Variants in RNF214 observed in about 807,000 individuals in gnomAD.
RNF214 encodes ring finger protein 214.
In RNF214, 25 loss-of-function variants were observed where a neutral mutation model predicts 75.9. The ratio of observed to expected loss-of-function variants is 0.33; its 90% CI spans 0.24 to 0.46. RNF214 has a LOEUF of 0.46. Among genes scored for constraint, RNF214 ranks in the 20% least tolerant of loss-of-function variants. The pLI is 1.00. For missense variants in RNF214, 725 were observed against 857.5 expected (o/e 0.85, Z 1.93); for synonymous variants, 314 against 308.8 (o/e 1.02, Z -0.18).
At chr11:117,233,623 C>G (rs921621655) in intron 1 of RNF214, among the ~76,000 whole-genome samples, 4 of 152,156 alleles carry the variant, frequency 2.6e-5, no homozygotes, top group African/African-American at 9.7e-5. Flanking sequence ...ATGTTTTTTA[C>G]CTTGACTTTT....
At chr11:117,238,455 A>G in intron 2 of RNF214, 146 bp from the exon 3 acceptor site, 2 of 747,248 alleles carry the variant, frequency 2.7e-6, no homozygotes, top group South Asian at 3.6e-5. Context: ...AGGCTATACT[A>G]CCTGCATACA....
At chr11:117,245,822 A>G (rs2033210641) in intron 5 of RNF214, among the ~76,000 whole-genome samples, 1 of 152,058 alleles carries the variant, frequency 6.6e-6, no homozygotes, top group Admixed American at 6.6e-5. Flanking sequence ...AACAACAACA[A>G]AGAAATGCAT....
In RNF214 at chr11:117,246,862, G is replaced by T; in HGVS notation, c.873G>T (p.Lys291Asn). 1 of 1,613,102 alleles carries T rather than the reference G, an allele frequency of 6.2e-7. No homozygotes were observed. The highest frequency in any genetic ancestry group is 8.5e-7 in the Non-Finnish European group (1 of 1,179,474). ...DVTIKREETK[K>N]KIEKEKKEFL... Reference sequence around the variant, plus strand: ...CAATAAAGCGGGAAGAAACAAAGAAGAAGATAGAGAAAGAGAAGAAGGAGT... The same window carrying T: ...CAATAAAGCGGGAAGAAACAAAGAATAAGATAGAGAAAGAGAAGAAGGAGT... The change falls in exon 6 of 15, where the codon AAG becomes AAT. Residue 291 changes from lysine to asparagine, a missense_variant. Physicochemically the swap from Lys to Asn is moderately conservative, Grantham distance 94 (BLOSUM62 0). Coordinates refer to ENST00000300650, the MANE Select transcript of RNF214 (RefSeq NM_207343.4).
At chr11:117,272,250 C>A (rs531469758) in intron 6 of RNF214, among the ~76,000 whole-genome samples, 1 of 152,168 alleles carries the variant, frequency 6.6e-6, no homozygotes, top group Non-Finnish European at 1.5e-5. Flanking sequence ...CAACCACCAC[C>A]TTGAGCCACC....
chr11:117,284,502 G>C (rs894653363), intron 14 of RNF214, among the ~76,000 whole-genome samples: 2 of 152,126 alleles, frequency 1.3e-5, no homozygotes, highest in African/African-American at 4.8e-5. Context: ...GGATCCTAAG[G>C]GGGAGCAAGC....
intron 6 of RNF214, among the ~76,000 whole-genome samples, chr11:117,268,401 T>G (rs1223917452): frequency 6.6e-6 from 1 of 152,188 alleles, no homozygotes; most frequent in African/African-American, 2.4e-5. Flanking sequence ...TTAGAAAGAT[T>G]TACGTATATT....
chr11:117,241,448 C>T (rs183497167), intron 4 of RNF214, among the ~76,000 whole-genome samples: 57 of 151,942 alleles, frequency 3.8e-4, no homozygotes, highest in African/African-American at 1.1e-3. Flanking sequence ...GGTGTGGTGG[C>T]GCATGCCTCT....
At position 117,251,106 on chromosome 11, in the gene RNF214, G is replaced by A. The variant is rs1481085604; in HGVS notation, c.959+4158G>A. Among the ~76,000 whole-genome samples, 9 of 151,558 alleles carry A rather than the reference G, an allele frequency of 5.9e-5. No individual in the cohort carries two copies. The East Asian group carries it at 1.8e-3, about 30-fold the overall frequency. The stretch of plus-strand genomic sequence containing the variant: ...CCACAAAACCGCCATTGTCATCATG[G>A]CCCGTTCTCAACGAGCTGTTGGGTA... On this transcript the variant is annotated intron_variant, in intron 6 of 14. Coordinates refer to ENST00000300650, the MANE Select transcript of RNF214 (RefSeq NM_207343.4).
intron 6 of RNF214, among the ~76,000 whole-genome samples, chr11:117,279,184 T>C (rs2034076172): frequency 6.6e-6 from 1 of 152,178 alleles, no homozygotes. Context: ...TGTTGGGAAA[T>C]AAGAATGCAG....
Position 117,281,387 on chromosome 11 carries a change from A to G in RNF214, c.1219A>G (p.Met407Val). ...GACGAGACTGAATGGAGTTCGGATA[A>G]TGAAAAAGAATGTTCGTGTAAGTGT... is the stretch of plus-strand genomic sequence containing the variant. The part of the protein sequence containing the change: ...WETRLNGVRI[M>V]KKNVRDQFNS... The change falls in exon 9 of 15, where the codon ATG becomes GTG. Residue 407 changes from methionine (M) to valine (V), a missense_variant. Coordinates refer to ENST00000300650, the MANE Select transcript of RNF214 (RefSeq NM_207343.4). The G allele has an allele frequency of 6.2e-7, 1 of 1,611,594 alleles. No homozygotes were observed. The highest frequency in any genetic ancestry group is 8.5e-7 in the Non-Finnish European group (1 of 1,177,840).
chr11:117,241,012 C>T (rs1246918074), intron 4 of RNF214, among the ~76,000 whole-genome samples: 1 of 151,766 alleles, frequency 6.6e-6, no homozygotes, highest in Admixed American at 6.6e-5. Flanking sequence ...AACCCCATCT[C>T]TACTAAAAAT....
chr11:117,245,642 A>G (rs2134366583), intron 5 of RNF214, among the ~76,000 whole-genome samples: 1 of 152,144 alleles, frequency 6.6e-6, no homozygotes, highest in Admixed American at 6.5e-5. Context: ...GCGCCAGACC[A>G]CTCATAGACT....
At chr11:117,259,143 GAC>G (rs2033598915) in intron 6 of RNF214, among the ~76,000 whole-genome samples, 1 of 152,118 alleles carries the variant, frequency 6.6e-6, no homozygotes, top group South Asian at 2.1e-4. Flanking sequence ...TCTTAGTAGA[GAC>G]AGGGTTTTGC....
chr11:117,253,208 C>T (rs2033442752), intron 6 of RNF214, among the ~76,000 whole-genome samples: 1 of 152,156 alleles, frequency 6.6e-6, no homozygotes, highest in South Asian at 2.1e-4. Flanking sequence ...GACTGGATCT[C>T]AGTTTGTTGG....
chr11:117,263,889 A>G, intron 6 of RNF214: 1 of 276,774 alleles, frequency 3.6e-6, no homozygotes, highest in Non-Finnish European at 7.1e-6. Context: ...GACACACAGC[A>G]GTCTCCTTCA....
intron 14 of RNF214, among the ~76,000 whole-genome samples, chr11:117,284,504 G>A (rs2034202549): frequency 6.6e-6 from 1 of 152,104 alleles, no homozygotes; most frequent in East Asian, 1.9e-4. Context: ...ATCCTAAGGG[G>A]GAGCAAGCCA....
At chr11:117,245,801 ATAAC>A (rs1449820947) in intron 5 of RNF214, among the ~76,000 whole-genome samples, 2 of 152,226 alleles carry the variant, frequency 1.3e-5, no homozygotes, top group East Asian at 1.9e-4. Flanking sequence ...CCATTTAAAA[ATAAC>A]AACAACAACA....
chr11:117,245,515 A>AT (rs1410383219), intron 5 of RNF214, among the ~76,000 whole-genome samples: 4 of 150,486 alleles, frequency 2.7e-5, no homozygotes, highest in East Asian at 2.0e-4. Context: ...AATTTTTTGT[A>AT]TTTTTTTTAA....
At chr11:117,278,628 G>A (rs1490173886) in intron 6 of RNF214, among the ~76,000 whole-genome samples, 1 of 152,162 alleles carries the variant, frequency 6.6e-6, no homozygotes, top group Non-Finnish European at 1.5e-5. Context: ...TGAGTGGGGG[G>A]AAAACATGTA....
Sources: allele counts gnomAD v4.1 joint callset (sites outside exome capture counted in the v4.1 genomes callset), GRCh38; gene constraint gnomAD v4.1.1; transcripts MANE v1.5; gene names NCBI Gene and HGNC (gene_info 2026-07-23, HGNC 2026-07-21).